Variants in MPPED1 observed in about 807,000 individuals in gnomAD.
The protein encoded by MPPED1 is metallophosphoesterase domain containing 1, also known as metallophosphoesterase domain-containing protein 1.
MPPED1 carries 16 observed loss-of-function variants against 36.2 expected under a neutral mutation model. The observed-to-expected ratio is 0.44, with a 90% CI of 0.30 to 0.67. MPPED1 has a LOEUF of 0.67. MPPED1 is among the 30% of genes least tolerant of loss of function. MPPED1 has a pLI of 0.10. For missense variants in MPPED1, 307 were observed against 453.4 expected (o/e 0.68, Z 2.93); for synonymous variants, 199 against 191.3 (o/e 1.04, Z -0.33).
chr22:43,443,826 T>A (rs1460199247), intron 3 of MPPED1, among the ~76,000 whole-genome samples: 1 of 152,190 alleles, frequency 6.6e-6, no homozygotes, highest in African/African-American at 2.4e-5. Context: ...TTGAATATTT[T>A]AAAAATAATT....
At chr22:43,455,153 A>C (rs1403428663) in intron 3 of MPPED1, among the ~76,000 whole-genome samples, 2 of 133,842 alleles carry the variant, frequency 1.5e-5, no homozygotes, top group East Asian at 4.5e-4. Flanking sequence ...TCTGTCACCC[A>C]GACTGGAGTG....
At chr22:43,481,503 T>C (rs539958869) in intron 4 of MPPED1, among the ~76,000 whole-genome samples, 1 of 152,168 alleles carries the variant, frequency 6.6e-6, no homozygotes, top group South Asian at 2.1e-4. Context: ...CAGAGTCTGG[T>C]TCCTCATAAT....
chr22:43,505,606 G>A lies in MPPED1; in HGVS notation c.971G>A (p.Arg324Gln), dbSNP rs756953363. The A allele has an allele frequency of 2.1e-5, 34 of 1,609,208 alleles. No homozygotes were observed. In the Middle Eastern group the frequency reaches 6.6e-4, roughly 31 times the overall value. Residue 324 changes from arginine (R) to glutamine (Q), a missense_variant, in exon 7 of 7, where the codon CGG becomes CAG. Arg to Gln is a conservative substitution (Grantham distance 43). This residue lies in a region of MPPED1 where 132 missense variants were observed against 212.3 expected (regional missense o/e 0.62). Transcript: ENST00000443721. ...PPIVIDLPTP[R>Q]NS The stretch of plus-strand genomic sequence containing the variant: ...ATAGTCATCGACCTCCCCACACCCC[G>A]GAACTCCTGACTGCTCCCCACTGCC...
At chr22:43,480,468 C>T (rs1320110179) in intron 4 of MPPED1, among the ~76,000 whole-genome samples, 2 of 152,226 alleles carry the variant, frequency 1.3e-5, no homozygotes, top group African/African-American at 4.8e-5. Context: ...GGCCGAGAAT[C>T]TCTTCCCATG....
chr22:43,501,302 C>A (rs907989687), intron 5 of MPPED1, among the ~76,000 whole-genome samples: 2 of 152,068 alleles, frequency 1.3e-5, no homozygotes, highest in Non-Finnish European at 2.9e-5. Flanking sequence ...CTTCTCTTTT[C>A]ATTCCCTCCT....
At chr22:43,476,828 G>A (rs115262183) in intron 4 of MPPED1, among the ~76,000 whole-genome samples, 13 of 152,250 alleles carry the variant, frequency 8.5e-5, no homozygotes, top group African/African-American at 2.9e-4. Context: ...AGGAGAGGAG[G>A]GGAGGTGGCT....
chr22:43,421,546 C>A (rs1006457719), intron 1 of MPPED1, among the ~76,000 whole-genome samples: 1 of 152,246 alleles, frequency 6.6e-6, no homozygotes, highest in Non-Finnish European at 1.5e-5. Context: ...GCCAGCCTGG[C>A]AGCCTCCTTG....
rs1929419262 is a variant in MPPED1 at position 43,425,112 on chromosome 22, C to T, written c.127C>T (p.Leu43Phe). The T allele has an allele frequency of 6.2e-7, 1 of 1,613,864 alleles. No homozygotes were observed. Among genetic ancestry groups the T allele is most frequent in the Non-Finnish European group, 8.5e-7 (1 of 1,179,904 alleles). The change falls in exon 2 of 7, where the codon CTC becomes TTC. Residue 43 changes from leucine (L) to phenylalanine (F), a missense_variant. Around this residue, in one of 3 missense-constraint regions of MPPED1, gnomAD observed 169 missense variants for 212.3 expected, o/e 0.80. Transcript: ENST00000443721. ...CGCTCGGCGGCACCAGCACAGCCGG[C>T]TCATCATCGAGGTGGACGAGTACAG... ...MAARRHQHSR[L>F]IIEVDEYSSN...
chr22:43,501,459 G>A (rs749937392), intron 5 of MPPED1, among the ~76,000 whole-genome samples: 6 of 150,872 alleles, frequency 4.0e-5, no homozygotes, highest in South Asian at 2.1e-4. Flanking sequence ...CTCTCCAGAC[G>A]CCCCGCCCGG....
At chr22:43,467,012 T>C (rs1301307389) in intron 3 of MPPED1, among the ~76,000 whole-genome samples, 1 of 152,190 alleles carries the variant, frequency 6.6e-6, no homozygotes, top group African/African-American at 2.4e-5. Context: ...TAAAAACAAA[T>C]CCGTGCAGAA....
intron 3 of MPPED1, among the ~76,000 whole-genome samples, chr22:43,448,264 T>A (rs113803048): frequency 1.6e-4 from 25 of 152,358 alleles, no homozygotes; most frequent in African/African-American, 6.0e-4. Context: ...AAGCTGTATA[T>A]CTGTGCTGTC....
At chr22:43,476,042 T>G (rs1931566693) in intron 4 of MPPED1, among the ~76,000 whole-genome samples, 1 of 151,774 alleles carries the variant, frequency 6.6e-6, no homozygotes, top group Non-Finnish European at 1.5e-5. Context: ...GTGAGGGTAG[T>G]GATGGTGATA....
intron 2 of MPPED1, among the ~76,000 whole-genome samples, chr22:43,431,135 G>A (rs1411998615): frequency 5.1e-5 from 7 of 138,260 alleles, no homozygotes; most frequent in African/African-American, 7.9e-5. Flanking sequence ...TCCGCCTCCC[G>A]GGTTCAAGCG....
At chr22:43,499,299 G>A (rs1428363044) in intron 5 of MPPED1, among the ~76,000 whole-genome samples, 1 of 130,006 alleles carries the variant, frequency 7.7e-6, no homozygotes, top group Non-Finnish European at 1.8e-5. Flanking sequence ...GGATGTGATG[G>A]TGGTGGTGAT....
chr22:43,419,451 A>G (rs981887507), intron 1 of MPPED1, among the ~76,000 whole-genome samples: 6 of 152,124 alleles, frequency 3.9e-5, no homozygotes, highest in African/African-American at 1.4e-4. Context: ...GACAGAGGGA[A>G]TAGCATTCGT....
intron 3 of MPPED1, among the ~76,000 whole-genome samples, chr22:43,460,853 G>A (rs904059389): frequency 6.6e-6 from 1 of 152,082 alleles, no homozygotes; most frequent in African/African-American, 2.4e-5. Flanking sequence ...CTAGGCACAC[G>A]CACAGCCCTG....
At chr22:43,420,913 A>T (rs931967587) in intron 1 of MPPED1, among the ~76,000 whole-genome samples, 1 of 152,218 alleles carries the variant, frequency 6.6e-6, no homozygotes, top group African/African-American at 2.4e-5. Context: ...GAGAGCATGT[A>T]GGGCCTTGGC....
chr22:43,420,821 T>TC (rs1432274211), intron 1 of MPPED1, among the ~76,000 whole-genome samples: 2 of 152,180 alleles, frequency 1.3e-5, no homozygotes, highest in Non-Finnish European at 2.9e-5. Context: ...TACTTTATTG[T>TC]CCCCCCTCCA....
intron 3 of MPPED1, among the ~76,000 whole-genome samples, chr22:43,454,952 G>A (rs922166366): frequency 1.3e-5 from 2 of 152,114 alleles, no homozygotes; most frequent in African/African-American, 4.8e-5. Context: ...AGACTGGGAG[G>A]CTCAAACAGC....
Sources: gnomAD v4.1 joint callset for allele counts (sites outside exome capture counted in the v4.1 genomes callset) on GRCh38, gnomAD v4.1.1 for gene constraint, gnomAD v4.1.1 regional missense constraint, MANE v1.5 for transcripts, NCBI Gene and HGNC (gene_info 2026-07-23, HGNC 2026-07-21) for gene names.